Variants in ELOVL6 observed in about 807,000 individuals in gnomAD.
The protein encoded by ELOVL6 is ELOVL fatty acid elongase 6.
A neutral mutation model predicts 31.7 loss-of-function variants in ELOVL6; 8 were observed. That is an observed-to-expected ratio of 0.25 (90% CI 0.15 to 0.45). The LOEUF (loss-of-function observed/expected upper bound fraction) is 0.45, where lower values mean the gene tolerates loss of function less well. Among genes scored for constraint, ELOVL6 ranks in the 20% least tolerant of loss-of-function variants. The pLI, the probability that ELOVL6 is intolerant of heterozygous loss-of-function variation, is 1.00. For synonymous variants in ELOVL6, 101 were observed against 117.7 expected (o/e 0.86, Z 0.92); for missense variants, 126 against 326.4 (o/e 0.39, Z 4.73).
intron 1 of ELOVL6, among the ~76,000 whole-genome samples, chr4:110,156,568 C>G (rs7695649): frequency 6.6e-6 from 1 of 152,044 alleles, no homozygotes; most frequent in Non-Finnish European, 1.5e-5. Context: ...CATCTGCAGT[C>G]TCGACTACTC....
At chr4:110,176,878 G>A (rs935716681) in intron 1 of ELOVL6, among the ~76,000 whole-genome samples, 1 of 152,224 alleles carries the variant, frequency 6.6e-6, no homozygotes, top group Non-Finnish European at 1.5e-5. Context: ...TGGGATTACA[G>A]GCATGTGCCA....
At chr4:110,112,443 T>A (rs1423585873) in intron 1 of ELOVL6, among the ~76,000 whole-genome samples, 4 of 152,222 alleles carry the variant, frequency 2.6e-5, no homozygotes, top group Non-Finnish European at 5.9e-5. Flanking sequence ...AAGCGTTGCA[T>A]CTTAGAGAGG....
intron 1 of ELOVL6, among the ~76,000 whole-genome samples, chr4:110,115,250 G>A (rs1757140392): frequency 6.6e-6 from 1 of 152,154 alleles, no homozygotes; most frequent in African/African-American, 2.4e-5. Context: ...CAGTGACGAT[G>A]ATCTCATGGT....
chr4:110,085,890 T>C (rs1756250046), intron 2 of ELOVL6, among the ~76,000 whole-genome samples: 1 of 152,298 alleles, frequency 6.6e-6, no homozygotes, highest in East Asian at 1.9e-4. Context: ...AAATATTTTG[T>C]ACTTTTTGTA....
chr4:110,072,078 C>A, intron 2 of ELOVL6, among the ~76,000 whole-genome samples: 1 of 152,224 alleles, frequency 6.6e-6, no homozygotes, highest in South Asian at 2.1e-4. Context: ...AGCCTGTTGA[C>A]TGACAGCCGT....
At chr4:110,105,858 G>A (rs73839575) in intron 1 of ELOVL6, among the ~76,000 whole-genome samples, 9,175 of 152,238 alleles carry the variant, frequency 0.06, 926 homozygotes, top group African/African-American at 0.2. Context: ...TGTCAGGATA[G>A]ATATATTTCC....
intron 1 of ELOVL6, among the ~76,000 whole-genome samples, chr4:110,192,058 C>T (rs1194891430): frequency 2.0e-5 from 3 of 151,852 alleles, no homozygotes; most frequent in East Asian, 1.9e-4. Flanking sequence ...GGTGTAGTGG[C>T]GCATGCCTGT....
intron 2 of ELOVL6, among the ~76,000 whole-genome samples, chr4:110,103,547 G>A (rs573610294): frequency 2.0e-5 from 3 of 151,886 alleles, no homozygotes; most frequent in East Asian, 3.9e-4. Flanking sequence ...CAAGATAACC[G>A]AATAGTTGAT....
intron 1 of ELOVL6, among the ~76,000 whole-genome samples, chr4:110,174,050 T>A (rs560816456): frequency 6.6e-6 from 1 of 151,872 alleles, no homozygotes; most frequent in Non-Finnish European, 1.5e-5. Flanking sequence ...AAAAATAGCA[T>A]GACTTTCAAT....
chr4:110,094,030 T>C (rs2347601), intron 2 of ELOVL6, among the ~76,000 whole-genome samples: 85,437 of 151,656 alleles, frequency 0.56, 25,550 homozygotes, highest in African/African-American at 0.77. Context: ...GCAGGCAGAT[T>C]ACTGAGGTCA....
intron 2 of ELOVL6, among the ~76,000 whole-genome samples, chr4:110,094,438 T>TATATATAAAA (rs1383825931): frequency 1.1e-4 from 6 of 55,354 alleles, no homozygotes; most frequent in Admixed American, 7.4e-4. Context: ...TATATATATA[T>TATATATAAAA]ATATAATATA....
At chr4:110,157,558 CT>C (rs200147068) in intron 1 of ELOVL6, among the ~76,000 whole-genome samples, 6,713 of 152,124 alleles carry the variant, frequency 0.044, 215 homozygotes, top group South Asian at 0.11. Context: ...GTAGTCCCAG[CT>C]ACTCATGAGG....
intron 1 of ELOVL6, among the ~76,000 whole-genome samples, chr4:110,120,837 A>G (rs1159341859): frequency 8.4e-6 from 1 of 119,416 alleles, no homozygotes; most frequent in African/African-American, 3.3e-5. Context: ...GTCTCGCTCT[A>G]TCCCCCTGGC....
chr4:110,196,598 C>T (rs1030375888), intron 1 of ELOVL6, among the ~76,000 whole-genome samples: 4 of 152,248 alleles, frequency 2.6e-5, no homozygotes, highest in Non-Finnish European at 4.4e-5. Context: ...CACCCCCTGG[C>T]CTCAGCGGCC....
intron 1 of ELOVL6, among the ~76,000 whole-genome samples, chr4:110,158,657 A>ATATATATTTTTTTTTT: frequency 1.3e-5 from 1 of 74,158 alleles, no homozygotes; most frequent in Non-Finnish European, 2.3e-5. Context: ...ATATATATAT[A>ATATATATTTTTTTTTT]TTTTTTTTTT....
In ELOVL6 at chr4:110,152,660, G is replaced by A. The variant is rs961666218; in HGVS notation, c.89+45587C>T. 4.5e-4 allele frequency among the ~76,000 whole-genome samples: 68 copies of A among 152,190 alleles called. 2 individuals carry two copies. The highest frequency in any genetic ancestry group is 1.5e-5 in the Non-Finnish European group (1 of 68,034). Reference sequence around the variant, plus strand: ...TGGGTCTGGGGTGGGGCCTGCCTGAGATTCTGCATCTCTGGCAAGCTCTGC... The same window carrying A: ...TGGGTCTGGGGTGGGGCCTGCCTGAAATTCTGCATCTCTGGCAAGCTCTGC... On this transcript the variant is annotated intron_variant, in intron 1 of 3. Coordinates refer to ENST00000302274, the MANE Select transcript of ELOVL6 (RefSeq NM_024090.3).
intron 1 of ELOVL6, chr4:110,117,903 A>AAAAAAAAAAAAAAAAAATATAT: frequency 1.5e-4 from 1 of 6,506 alleles, no homozygotes; most frequent in African/African-American, 3.3e-4. Context: ...AAAAAAAAAA[A>AAAAAAAAAAAAAAAAAATATAT]ATATATATAT....
chr4:110,175,193 GC>G (rs1759065531), intron 1 of ELOVL6, among the ~76,000 whole-genome samples: 1 of 152,054 alleles, frequency 6.6e-6, no homozygotes, highest in Admixed American at 6.6e-5. Context: ...AGACCAGCCA[GC>G]CAACACGGCG....
At chr4:110,120,920 C>A (rs1198826655) in intron 1 of ELOVL6, among the ~76,000 whole-genome samples, 1 of 151,040 alleles carries the variant, frequency 6.6e-6, no homozygotes, top group East Asian at 2.0e-4. Context: ...CCTGGCTTAG[C>A]CTCCCAAGTA....
Sources: gnomAD v4.1 joint callset for allele counts (sites outside exome capture counted in the v4.1 genomes callset) on GRCh38, gnomAD v4.1.1 for gene constraint, MANE v1.5 for transcripts, NCBI Gene and HGNC (gene_info 2026-07-23, HGNC 2026-07-21) for gene names.